Variants in SIDT2 observed in about 807,000 individuals in gnomAD.
SIDT2 encodes SID1 transmembrane family, member 2.
SIDT2 carries 68 observed loss-of-function variants against 114.4 expected under a neutral mutation model. The ratio of observed to expected loss-of-function variants is 0.59; its 90% CI spans 0.49 to 0.73. SIDT2 has a LOEUF of 0.73. SIDT2 is among the 30% of genes least tolerant of loss of function. The pLI is 0.00. For synonymous variants in SIDT2, 470 were observed against 438.4 expected, an observed-to-expected ratio of 1.07 and a Z score of -0.90; for missense variants, 918 against 1,097.1, an observed-to-expected ratio of 0.84 and a Z score of 2.31.
intron 18 of SIDT2, chr11:117,191,566 AGAGT>A (rs1690725721): frequency 6.3e-6 from 2 of 319,832 alleles, no homozygotes; most frequent in Non-Finnish European, 1.2e-5. Context: ...CCTGGGCGAC[AGAGT>A]GAGACTCCGT....
At chr11:117,193,633 G>A (rs1193828368) in intron 23 of SIDT2, among the ~76,000 whole-genome samples, 1 of 152,138 alleles carries the variant, frequency 6.6e-6, no homozygotes, top group Non-Finnish European at 1.5e-5. Context: ...CCAGTGCACT[G>A]TCCCGACACA....
intron 8 of SIDT2, among the ~76,000 whole-genome samples, chr11:117,184,381 C>T (rs1209797853): frequency 6.6e-6 from 1 of 152,180 alleles, no homozygotes; most frequent in Admixed American, 6.5e-5. Flanking sequence ...TCACTTTCTG[C>T]CACTTATCAG....
intron 18 of SIDT2, 106 bp from the exon 19 acceptor site, chr11:117,191,772 G>A: frequency 6.7e-7 from 1 of 1,492,296 alleles, no homozygotes; most frequent in South Asian, 1.3e-5. Context: ...CATGGCCGTG[G>A]TGGGGCACCA....
At position 117,195,654 on chromosome 11, in the gene SIDT2, T is replaced by TAGGGAC. The variant is rs558995292; in HGVS notation, c.2323-146_2323-141dup. ...GGCCATTTGTTAGATCGGGAAGGGG[T>TAGGGAC]AGGGACAAGGACAAGGGACAGGTCA... is the stretch of plus-strand genomic sequence containing the variant. On this transcript the variant is annotated intron_variant, in intron 24 of 25. Coordinates refer to ENST00000324225, the MANE Select transcript of SIDT2 (RefSeq NM_001040455.2). 1.1e-4 allele frequency: 79 copies of TAGGGAC among 747,042 alleles called. 1 individual carries two copies. The South Asian group carries it at 1.2e-3, about 12-fold the overall frequency. The allele number at this position is 747,042 out of a possible 1,614,324, so 46.3% of individuals were successfully genotyped here.
Position 117,196,072 on chromosome 11 carries a change from G to C in SIDT2, c.*6G>C. 1 of 1,614,216 alleles carries C rather than the reference G, an allele frequency of 6.2e-7. No individual in the cohort carries two copies. The highest frequency in any genetic ancestry group is 1.3e-5 in the African/African-American group (1 of 75,056). On this transcript the variant is annotated 3_prime_UTR_variant, in exon 26 of 26. Transcript: ENST00000324225. The surrounding 1 kb of genome is among the most constrained non-coding windows in gnomAD (Gnocchi z 4.9). ...ACAAGATCTATGTCTTCTAGCAGGA[G>C]CTGGGCCCTTCGCTTCACCTCAAGG...
chr11:117,186,687 G>A, intron 10 of SIDT2, 51 bp downstream of exon 10: 1 of 1,513,248 alleles, frequency 6.6e-7, no homozygotes, highest in Middle Eastern at 1.8e-4. Context: ...TTGTGTTTTG[G>A]GGGGTGGTGG....
chr11:117,192,175 A>C lies in SIDT2; in HGVS notation c.1873-79A>C, dbSNP rs1469835168. The C allele has an allele frequency of 6.7e-7, 1 of 1,491,380 alleles. No individual in the cohort carries two copies. Among genetic ancestry groups the C allele is most frequent in the African/African-American group, 1.4e-5 (1 of 72,412 alleles). The allele number at this position is 1,491,380 out of a possible 1,614,324, so 92.4% of individuals were successfully genotyped here. ...TCTCAGAGTCCCAGCCTGGCTGAGC[A>C]GCCAGCCCCAGGAAGGGTGGGCCAT... On this transcript the variant is annotated intron_variant, in intron 19 of 25. Coordinates refer to ENST00000324225, the MANE Select transcript of SIDT2 (RefSeq NM_001040455.2). This position sits in a 1 kb window ranked among gnomAD's most constrained non-coding sequence, Gnocchi z 5.9.
chr11:117,191,532 C>G (rs1004423637), intron 18 of SIDT2: 1 of 249,710 alleles, frequency 4.0e-6, no homozygotes, highest in Middle Eastern at 1.4e-3. Context: ...TGCAGTGAGC[C>G]GAGATCCCAC....
chr11:117,187,754 A>G, intron 12 of SIDT2, 55 bp downstream of exon 12: 1 of 1,567,862 alleles, frequency 6.4e-7, no homozygotes, highest in Non-Finnish European at 8.8e-7. Flanking sequence ...TTGTCTGGGT[A>G]AAATGTCACG....
Position 117,178,971 on chromosome 11 carries a change from G to A in SIDT2, c.-293G>A, listed in dbSNP as rs2030137443. 2 of 360,004 alleles carry A rather than the reference G, an allele frequency of 5.6e-6. No individual in the cohort carries two copies. The highest frequency in any genetic ancestry group is 1.0e-4 in the East Asian group (2 of 19,688). The allele number at this position is 360,004 out of a possible 1,614,324, so 22.3% of individuals were successfully genotyped here. On this transcript the variant is annotated 5_prime_UTR_variant, in exon 1 of 26. Transcript: ENST00000324225. ...CCTCCTTCTCACGGCCCTGGCCCGG[G>A]GCTCCAGGGTCTCAGGTCGTACTCA...
At position 117,192,441 on chromosome 11, in the gene SIDT2, G is replaced by A; in HGVS notation, c.1981+79G>A. 2 of 1,403,334 alleles carry A rather than the reference G, an allele frequency of 1.4e-6. No individual in the cohort carries two copies. The highest frequency in any genetic ancestry group is 2.0e-6 in the Non-Finnish European group (2 of 999,006). The allele number at this position is 1,403,334 out of a possible 1,614,324, so 86.9% of individuals were successfully genotyped here. The stretch of plus-strand genomic sequence containing the variant: ...ACCCGGACGCACGGGAGACGCTCAG[G>A]TTCTGTCTTGGGGGCCCTGGAGTCA... On this transcript the variant is annotated intron_variant, in intron 20 of 25. Coordinates refer to ENST00000324225, the MANE Select transcript of SIDT2 (RefSeq NM_001040455.2). The surrounding 1 kb of genome is among the most constrained non-coding windows in gnomAD (Gnocchi z 5.9).
At chr11:117,191,609 T>A in intron 18 of SIDT2, 1 of 456,232 alleles carries the variant, frequency 2.2e-6, no homozygotes, top group Non-Finnish European at 3.9e-6. Context: ...GAGTCCCTGA[T>A]CTCAGGGTGC....
At position 117,183,869 on chromosome 11, in the gene SIDT2, T is replaced by G; in HGVS notation, c.793T>G (p.Phe265Val). The change falls in exon 7 of 26, where the codon TTC (phenylalanine) becomes GTC (valine). Residue 265 changes from phenylalanine (F) to valine (V), a missense_variant. Transcript: ENST00000324225. ...ACGGSLPFYP[F>V]AEDEPVDQGH... ...CGGGGGCTCCCTGCCTTTCTACCCC[T>G]TCGCAGAAGGTACATTTTGTGCCCT... The G allele has an allele frequency of 2.5e-6, 4 of 1,613,014 alleles. No individual in the cohort carries two copies. Among genetic ancestry groups the G allele is most frequent in the Non-Finnish European group, 2.5e-6 (3 of 1,178,988 alleles).
At chr11:117,183,951 C>A in intron 7 of SIDT2, 73 bp downstream of exon 7, 1 of 1,494,726 alleles carries the variant, frequency 6.7e-7, no homozygotes, top group Non-Finnish European at 9.3e-7. Flanking sequence ...GAAGAGCCTG[C>A]GTGGCTGATT....
In SIDT2 at chr11:117,184,082, G is replaced by T; in HGVS notation, c.811G>T (p.Val271Phe). The change falls in exon 8 of 26, where the codon GTC becomes TTC. Residue 271 changes from valine (V) to phenylalanine (F), a missense_variant. Physicochemically the swap from Val to Phe is conservative, Grantham distance 50. This residue lies in a region of SIDT2 where 553 missense variants were observed against 600.1 expected (regional missense o/e 0.92). Coordinates refer to ENST00000324225, the MANE Select transcript of SIDT2 (RefSeq NM_001040455.2). The part of the protein sequence containing the change: ...PFYPFAEDEP[V>F]DQGHRQKTLS... Reference sequence around the variant, plus strand: ...TGACATTTTACTTCCAGATGAACCGGTCGATCAAGGGCACCGCCAGAAAAC... The same window carrying T: ...TGACATTTTACTTCCAGATGAACCGTTCGATCAAGGGCACCGCCAGAAAAC... 6.2e-7 allele frequency: 1 copy of T among 1,614,164 alleles called. No individual in the cohort carries two copies. The highest frequency in any genetic ancestry group is 8.5e-7 in the Non-Finnish European group (1 of 1,180,042).
rs144777377 is a variant in SIDT2 at position 117,183,840 on chromosome 11, C to T, written c.764C>T (p.Ala255Val). 5 of 1,613,954 alleles carry T rather than the reference C, an allele frequency of 3.1e-6. No individual in the cohort carries two copies. The highest frequency in any genetic ancestry group is 4.5e-5 in the East Asian group (2 of 44,894). The change falls in exon 7 of 26, where the codon GCC becomes GTC. Residue 255 changes from alanine to valine, a missense_variant. By Grantham distance (64) the Ala-to-Val change is moderately conservative (BLOSUM62 0). Coordinates refer to ENST00000324225, the MANE Select transcript of SIDT2 (RefSeq NM_001040455.2). ...GTGGTGGTGAAGACCGAAGACCAAG[C>T]CTGCGGGGGCTCCCTGCCTTTCTAC... is the stretch of plus-strand genomic sequence containing the variant. ...VVVVVKTEDQACGGSLPFYPF... is the reference protein window; with the variant it reads ...VVVVVKTEDQVCGGSLPFYPF...
chr11:117,180,711 T>G lies in SIDT2; in HGVS notation c.184-705T>G, dbSNP rs185701309. Among the ~76,000 whole-genome samples the G allele has an allele frequency of 4.9e-3, 738 of 152,120 alleles. 10 individuals are homozygous for G. Among genetic ancestry groups the G allele is most frequent in the Middle Eastern group, 0.027 (8 of 292 alleles). On this transcript the variant is annotated intron_variant, in intron 1 of 25. Transcript: ENST00000324225. Reference sequence around the variant, plus strand: ...CCACCATACCCAGCTAATTTTTGTATTTTTAGTAGAGATGGGGCTTCACCA... The same window carrying G: ...CCACCATACCCAGCTAATTTTTGTAGTTTTAGTAGAGATGGGGCTTCACCA...
intron 24 of SIDT2, among the ~76,000 whole-genome samples, chr11:117,194,343 A>G (rs1048411427): frequency 2.0e-5 from 3 of 152,120 alleles, no homozygotes; most frequent in African/African-American, 7.2e-5. Context: ...GGGAACACCT[A>G]CCATAGGCCA....
intron 13 of SIDT2, 159 bp from the exon 14 acceptor site, chr11:117,189,010 C>T: frequency 1.0e-6 from 1 of 975,162 alleles, no homozygotes; most frequent in Non-Finnish European, 1.6e-6. Flanking sequence ...ATTGGCCAAA[C>T]CCTCTTGGTC....
Sources: gnomAD v4.1 joint callset for allele counts (sites outside exome capture counted in the v4.1 genomes callset) on GRCh38, gnomAD v4.1.1 for gene constraint, gnomAD v4.1.1 regional missense constraint, Gnocchi (gnomAD v3.1) non-coding constraint, MANE v1.5 for transcripts, NCBI Gene and HGNC (gene_info 2026-07-23, HGNC 2026-07-21) for gene names.